YWHAB: variants seen among roughly 807,000 people sequenced by gnomAD.
YWHAB encodes 14-3-3 protein beta/alpha.
Under a neutral mutation model 28.5 loss-of-function variants are expected in YWHAB, and 2 were observed. The ratio of observed to expected loss-of-function variants is 0.07; its 90% CI spans 0.03 to 0.22. The LOEUF (loss-of-function observed/expected upper bound fraction) is 0.22, where lower values mean the gene tolerates loss of function less well. YWHAB is among the 10% of genes least tolerant of loss of function. The pLI is 1.00. For synonymous variants in YWHAB, 103 were observed against 104.7 expected, an observed-to-expected ratio of 0.98 and a Z score of 0.10; for missense variants, 148 against 297.1, an observed-to-expected ratio of 0.50 and a Z score of 3.69.
intron 1 of YWHAB, among the ~76,000 whole-genome samples, chr20:44,896,399 G>T (rs2066596268): frequency 6.6e-6 from 1 of 152,160 alleles, no homozygotes; most frequent in Non-Finnish European, 1.5e-5. Context: ...GTAAATTTGG[G>T]AAAAGCCATT....
intron 1 of YWHAB, among the ~76,000 whole-genome samples, chr20:44,900,143 G>C (rs1338604281): frequency 6.6e-6 from 1 of 151,906 alleles, no homozygotes; most frequent in African/African-American, 2.4e-5. Flanking sequence ...GGAACTCTGG[G>C]CTCAAGTGAT....
chr20:44,895,706 G>C (rs1046808998), intron 1 of YWHAB, among the ~76,000 whole-genome samples: 3 of 152,174 alleles, frequency 2.0e-5, no homozygotes, highest in African/African-American at 7.2e-5. Context: ...GGTCTCAAGC[G>C]ATGCTCCAGC....
chr20:44,903,465 A>G (rs1371410520), intron 2 of YWHAB: 1 of 152,386 alleles, frequency 6.6e-6, no homozygotes, highest in African/African-American at 2.4e-5. Context: ...TTAATTATAG[A>G]AGTAATACCA....
At chr20:44,905,867 C>G (rs1361661974) in intron 4 of YWHAB, 134 bp from the exon 5 acceptor site, 2 of 648,250 alleles carry the variant, frequency 3.1e-6, no homozygotes, top group South Asian at 2.0e-5. Context: ...AGCTAACAGA[C>G]AGGGTAATAA....
At chr20:44,887,927 T>G (rs951191929) in intron 1 of YWHAB, among the ~76,000 whole-genome samples, 3 of 152,238 alleles carry the variant, frequency 2.0e-5, no homozygotes, top group African/African-American at 7.2e-5. Flanking sequence ...TGGCTTTTTC[T>G]CTCCAGTTAA....
At chr20:44,890,793 GC>G (rs774264668) in intron 1 of YWHAB, among the ~76,000 whole-genome samples, 43 of 152,236 alleles carry the variant, frequency 2.8e-4, no homozygotes, top group Admixed American at 9.1e-4. Context: ...ACAGGCGTGA[GC>G]CACCACGCCT....
chr20:44,905,576 A>G (rs1304637264), intron 4 of YWHAB: 2 of 163,814 alleles, frequency 1.2e-5, no homozygotes, highest in East Asian at 3.5e-4. Flanking sequence ...AAACATTTTT[A>G]TTCGGGAAAG....
At chr20:44,891,941 A>G (rs2066564880) in intron 1 of YWHAB, among the ~76,000 whole-genome samples, 1 of 152,230 alleles carries the variant, frequency 6.6e-6, no homozygotes, top group Non-Finnish European at 1.5e-5. Flanking sequence ...AGACAGTTTT[A>G]TAGTGGGTGT....
chr20:44,891,848 G>A (rs749511079), intron 1 of YWHAB, among the ~76,000 whole-genome samples: 1 of 152,158 alleles, frequency 6.6e-6, no homozygotes, highest in South Asian at 2.1e-4. Flanking sequence ...GCTGTGTTTT[G>A]TTTCCTAACA....
At chr20:44,900,811 T>A (rs2066621747) in intron 1 of YWHAB, among the ~76,000 whole-genome samples, 1 of 152,168 alleles carries the variant, frequency 6.6e-6, no homozygotes, top group Non-Finnish European at 1.5e-5. Flanking sequence ...AGTCTCACTC[T>A]GTTGCCCACG....
chr20:44,901,170 A>G (rs561375594), intron 1 of YWHAB, among the ~76,000 whole-genome samples: 11 of 152,334 alleles, frequency 7.2e-5, no homozygotes, highest in African/African-American at 2.6e-4. Flanking sequence ...CTCTAGAGCC[A>G]GATAGATGTG....
In YWHAB at chr20:44,898,845, G is replaced by A. The variant is rs555724937; in HGVS notation, c.-3-2686G>A. ...TAAAAATAGCAAAGAGGCCAAGTGC[G>A]GTGGCTCACACCTGTAATTCCAGCA... On this transcript the variant is annotated intron_variant, in intron 1 of 5. Coordinates refer to ENST00000353703, the MANE Select transcript of YWHAB (RefSeq NM_139323.4). 5.3e-5 allele frequency among the ~76,000 whole-genome samples: 8 copies of A among 152,116 alleles called. No individual in the cohort carries two copies. In the South Asian group the frequency reaches 8.3e-4, roughly 16 times the overall value.
At chr20:44,899,842 C>CTCAGTTATGGTTCAGATGAAT (rs1456044688) in intron 1 of YWHAB, among the ~76,000 whole-genome samples, 2 of 152,124 alleles carry the variant, frequency 1.3e-5, no homozygotes, top group Non-Finnish European at 2.9e-5. Flanking sequence ...TTTAAATGAA[C>CTCAGTTATGGTTCAGATGAAT]TCAGTTATGG....
chr20:44,898,911 G>A lies in YWHAB; in HGVS notation c.-3-2620G>A, dbSNP rs139816118. Reference sequence around the variant, plus strand: ...GCAGGCAGATCACCTGAGGTCAGGCGTTCAAGACCAGCCTGAGCAATGTAG... The same window carrying A: ...GCAGGCAGATCACCTGAGGTCAGGCATTCAAGACCAGCCTGAGCAATGTAG... On this transcript the variant is annotated intron_variant, in intron 1 of 5. Coordinates refer to ENST00000353703, the MANE Select transcript of YWHAB (RefSeq NM_139323.4). Among the ~76,000 whole-genome samples the A allele has an allele frequency of 1.6e-3, 242 of 152,158 alleles. 2 individuals carry two copies. The highest frequency in any genetic ancestry group is 5.5e-3 in the African/African-American group (229 of 41,530).
chr20:44,904,300 G>T (rs1222731738), intron 3 of YWHAB, among the ~76,000 whole-genome samples, 184 bp downstream of exon 3: 1 of 152,112 alleles, frequency 6.6e-6, no homozygotes, highest in African/African-American at 2.4e-5. Context: ...ATCTGACAGG[G>T]AAGTATGGAG....
intron 4 of YWHAB, chr20:44,905,488 T>C (rs1387302482): frequency 5.6e-6 from 1 of 179,806 alleles, no homozygotes; most frequent in Non-Finnish European, 1.1e-5. Context: ...TGTTGTGTGT[T>C]GGATTACCTT....
intron 1 of YWHAB, among the ~76,000 whole-genome samples, chr20:44,896,194 A>T (rs980075387): frequency 1.3e-5 from 2 of 152,182 alleles, no homozygotes; most frequent in South Asian, 2.1e-4. Context: ...GCATTTAAAA[A>T]TTTTTTTAAA....
chr20:44,900,273 A>G (rs895554714), intron 1 of YWHAB, among the ~76,000 whole-genome samples: 8 of 152,134 alleles, frequency 5.3e-5, no homozygotes, highest in Non-Finnish European at 1.0e-4. Context: ...TTGCCAGGAT[A>G]ATCTTGAACT....
intron 1 of YWHAB, among the ~76,000 whole-genome samples, chr20:44,892,346 C>T (rs1447089684): frequency 6.6e-6 from 1 of 152,036 alleles, no homozygotes; most frequent in Non-Finnish European, 1.5e-5. Context: ...ACCTAGCTAC[C>T]TTTAAACCTA....
Sources: gnomAD v4.1 joint callset for allele counts (sites outside exome capture counted in the v4.1 genomes callset) on GRCh38, gnomAD v4.1.1 for gene constraint, MANE v1.5 for transcripts, NCBI Gene and HGNC (gene_info 2026-07-23, HGNC 2026-07-21) for gene names.